GPC5: variants seen among roughly 807,000 people sequenced by gnomAD.
GPC5 encodes glypican 5, also known as glypican-5.
Under a neutral mutation model 53.9 loss-of-function variants are expected in GPC5, and 47 were observed. That is an observed-to-expected ratio of 0.87 (90% CI 0.69 to 1.11). The LOEUF (loss-of-function observed/expected upper bound fraction) is 1.11, where lower values mean the gene tolerates loss of function less well. Ranked by LOEUF, GPC5 falls within the 50% of genes most tolerant of loss-of-function variation. The pLI, the probability that GPC5 is intolerant of heterozygous loss-of-function variation, is 0.00. For missense variants in GPC5, 748 were observed against 713.1 expected (o/e 1.05, Z -0.56); for synonymous variants, 286 against 263.3 (o/e 1.09, Z -0.84).
intron 7 of GPC5, among the ~76,000 whole-genome samples, chr13:92,753,220 A>G (rs1874674237): frequency 6.6e-6 from 1 of 152,180 alleles, no homozygotes; most frequent in Admixed American, 6.5e-5. Flanking sequence ...ACCCCCCAGC[A>G]GGGGCACACT....
chr13:92,833,394 G>A (rs1022688715), intron 7 of GPC5, among the ~76,000 whole-genome samples: 1 of 152,152 alleles, frequency 6.6e-6, no homozygotes, highest in African/African-American at 2.4e-5. Flanking sequence ...TCAAAGTGTT[G>A]TCATCCAAAT....
chr13:92,035,280 C>T (rs1172902207), intron 6 of GPC5, among the ~76,000 whole-genome samples: 1 of 151,546 alleles, frequency 6.6e-6, no homozygotes, highest in Non-Finnish European at 1.5e-5. Context: ...TGACACGGGG[C>T]ACGGGACGTT....
intron 2 of GPC5, among the ~76,000 whole-genome samples, chr13:91,452,722 C>A (rs952657473): frequency 4.0e-5 from 6 of 151,896 alleles, no homozygotes; most frequent in Admixed American, 1.3e-4. Context: ...ATATATTTTT[C>A]AATTTTTAAA....
At chr13:92,527,251 G>T (rs200822968) in intron 7 of GPC5, among the ~76,000 whole-genome samples, 1 of 57,534 alleles carries the variant, frequency 1.7e-5, no homozygotes, top group Non-Finnish European at 3.4e-5. Flanking sequence ...GAAAGAAAGA[G>T]AAAGAAAGAA....
chr13:92,742,271 G>A (rs1361220149), intron 7 of GPC5, among the ~76,000 whole-genome samples: 3 of 151,564 alleles, frequency 2.0e-5, no homozygotes, highest in South Asian at 2.1e-4. Flanking sequence ...TTTAATGATT[G>A]CCATTCTAAC....
intron 7 of GPC5, among the ~76,000 whole-genome samples, chr13:92,229,360 A>G (rs1040689620): frequency 2.0e-5 from 3 of 151,944 alleles, no homozygotes; most frequent in African/African-American, 7.3e-5. Context: ...AGAAAAGTAT[A>G]CTGATATATT....
At chr13:91,951,239 C>T (rs1055130399) in intron 6 of GPC5, among the ~76,000 whole-genome samples, 2 of 151,824 alleles carry the variant, frequency 1.3e-5, no homozygotes, top group Admixed American at 6.6e-5. Flanking sequence ...TTTATTCAAC[C>T]CTGTATTGAT....
At chr13:92,177,789 G>A (rs973592037) in intron 7 of GPC5, among the ~76,000 whole-genome samples, 9 of 152,144 alleles carry the variant, frequency 5.9e-5, no homozygotes, top group African/African-American at 2.2e-4. Context: ...ACTAGTGACA[G>A]AATAGCATCC....
chr13:92,394,245 A>C (rs1262947743), intron 7 of GPC5, among the ~76,000 whole-genome samples: 3 of 152,102 alleles, frequency 2.0e-5, no homozygotes, highest in Non-Finnish European at 4.4e-5. Flanking sequence ...AAAATTGTTC[A>C]TTTGTTTTTC....
intron 6 of GPC5, among the ~76,000 whole-genome samples, chr13:91,957,304 C>A (rs1336366436): frequency 6.6e-6 from 1 of 152,072 alleles, no homozygotes; most frequent in Non-Finnish European, 1.5e-5. Context: ...TTTAAGTGAA[C>A]AAACCCTATA....
At chr13:92,159,863 A>G (rs892419200) in intron 7 of GPC5, among the ~76,000 whole-genome samples, 1 of 150,810 alleles carries the variant, frequency 6.6e-6, no homozygotes, top group Non-Finnish European at 1.5e-5. Flanking sequence ...AGGCCTCCCA[A>G]AGTGCTGGGA....
At chr13:91,907,596 A>G (rs1483606903) in intron 5 of GPC5, among the ~76,000 whole-genome samples, 1 of 150,020 alleles carries the variant, frequency 6.7e-6, no homozygotes, top group Middle Eastern at 3.6e-3. Context: ...CTCAGACAAT[A>G]TGAGTGTGGA....
At chr13:92,008,223 C>A (rs866475455) in intron 6 of GPC5, among the ~76,000 whole-genome samples, 8 of 151,858 alleles carry the variant, frequency 5.3e-5, no homozygotes, top group Non-Finnish European at 1.0e-4. Context: ...CTACCACGCC[C>A]GGCTAATTTT....
At chr13:92,505,679 A>G (rs1164558014) in intron 7 of GPC5, among the ~76,000 whole-genome samples, 1 of 152,128 alleles carries the variant, frequency 6.6e-6, no homozygotes, top group African/African-American at 2.4e-5. Context: ...AGTTCTCTTC[A>G]TAATTGCCAA....
chr13:91,595,638 C>T (rs560946504), intron 2 of GPC5, among the ~76,000 whole-genome samples: 1 of 152,244 alleles, frequency 6.6e-6, no homozygotes, highest in African/African-American at 2.4e-5. Context: ...ACTATCTGAA[C>T]TTCCCTTTAA....
chr13:92,778,988 C>CAT lies in GPC5; in HGVS notation c.1562-87281_1562-87280dup, dbSNP rs768621109. ...ATATACACACACACACACACACACA[C>CAT]ATATATATATATATGCACACATATA... On this transcript the variant is annotated intron_variant, in intron 7 of 7. Transcript: ENST00000377067. Among the ~76,000 whole-genome samples, 370 of 150,410 alleles carry CAT rather than the reference C, an allele frequency of 2.5e-3. 2 individuals carry two copies. Among genetic ancestry groups the CAT allele is most frequent in the Non-Finnish European group, 4.0e-3 (272 of 67,330 alleles).
intron 5 of GPC5, among the ~76,000 whole-genome samples, chr13:91,904,495 G>A (rs919717028): frequency 6.6e-6 from 1 of 151,954 alleles, no homozygotes; most frequent in Non-Finnish European, 1.5e-5. Context: ...ACTTATTGGT[G>A]GTTGTATTTT....
At position 92,029,562 on chromosome 13, in the gene GPC5, C is replaced by T. The variant is rs932256676; in HGVS notation, c.1402-115268C>T. ...GGCTCCAGCTCCTTCTGGGCAAGCC[C>T]AGTGTTTCCAGCTTTTGATGGGTAA... On this transcript the variant is annotated intron_variant, in intron 6 of 7. Coordinates refer to ENST00000377067, the MANE Select transcript of GPC5 (RefSeq NM_004466.6). 3.3e-5 allele frequency among the ~76,000 whole-genome samples: 5 copies of T among 152,196 alleles called. No individual in the cohort carries two copies. The East Asian group carries it at 9.6e-4, about 29-fold the overall frequency.
intron 3 of GPC5, among the ~76,000 whole-genome samples, chr13:91,711,569 G>C (rs780852649): frequency 6.6e-6 from 1 of 152,110 alleles, no homozygotes; most frequent in African/African-American, 2.4e-5. Flanking sequence ...AAACCTGCAC[G>C]TTGTGCACAT....
Sources: gnomAD v4.1 joint callset for allele counts (sites outside exome capture counted in the v4.1 genomes callset) on GRCh38, gnomAD v4.1.1 for gene constraint, MANE v1.5 for transcripts, NCBI Gene and HGNC (gene_info 2026-07-23, HGNC 2026-07-21) for gene names.